The following NOX4 variants were observed in gnomAD, a reference collection of about 807,000 sequenced individuals.
NOX4 encodes kidney oxidase-1.
A neutral mutation model predicts 87.6 loss-of-function variants in NOX4; 69 were observed. The ratio of observed to expected loss-of-function variants is 0.79; its 90% CI spans 0.65 to 0.96. The LOEUF (loss-of-function observed/expected upper bound fraction) is 0.96. Among genes scored for constraint, NOX4 ranks in the 40% least tolerant of loss-of-function variants. The probability of loss-of-function intolerance (pLI) is 0.00; values close to 1 mark genes in which losing one functional copy is unlikely to be tolerated. For missense variants in NOX4, 680 were observed against 681.5 expected, an observed-to-expected ratio of 1.00 and a Z score of 0.02; for synonymous variants, 275 against 238.2, an observed-to-expected ratio of 1.15 and a Z score of -1.42.
At chr11:89,566,273 G>C in the NOX4 span, among the ~76,000 whole-genome samples, 1 of 151,940 alleles carries the variant, frequency 6.6e-6, no homozygotes, top group African/African-American at 2.4e-5. Context: ...TTGATCTCCT[G>C]ACCTTGTGCT....
intron 15 of NOX4, 52 bp downstream of exon 15, chr11:89,340,011 A>G (rs1037553158): frequency 1.1e-6 from 1 of 895,294 alleles, no homozygotes; most frequent in Non-Finnish European, 1.7e-6. Flanking sequence ...TATAAAAGCT[A>G]TAACATTTTT....
At chr11:89,507,483 T>C in the NOX4 span, among the ~76,000 whole-genome samples, 18 of 151,564 alleles carry the variant, frequency 1.2e-4, no homozygotes, top group South Asian at 2.1e-4. Flanking sequence ...TATAACAATG[T>C]AATACACATA....
chr11:89,341,745 A>T (rs563177843), intron 14 of NOX4, among the ~76,000 whole-genome samples: 1 of 152,270 alleles, frequency 6.6e-6, no homozygotes, highest in South Asian at 2.1e-4. Flanking sequence ...GGTGTTCAAA[A>T]ATATTTGTTG....
chr11:89,366,016 T>A (rs560127786), intron 12 of NOX4, among the ~76,000 whole-genome samples: 37 of 152,174 alleles, frequency 2.4e-4, no homozygotes, highest in African/African-American at 8.4e-4. Flanking sequence ...TTAAAAATGT[T>A]CCTGATAATA....
At chr11:89,421,770 T>G (rs1808806958) in intron 8 of NOX4, 132 bp downstream of exon 8, 8 of 543,848 alleles carry the variant, frequency 1.5e-5, no homozygotes, top group Non-Finnish European at 9.9e-6. Context: ...GACGTTATCC[T>G]CAATAGTAGA....
chr11:89,479,209 C>T (rs1428552759), intron 2 of NOX4, among the ~76,000 whole-genome samples: 2 of 151,740 alleles, frequency 1.3e-5, no homozygotes, highest in African/African-American at 4.8e-5. Context: ...GTATAAGATG[C>T]TAAAGGAAAA....
upstream of NOX4, chr11:89,491,556 T>C: frequency 2.6e-6 from 1 of 387,766 alleles, no homozygotes; most frequent in Non-Finnish European, 4.6e-6. Flanking sequence ...CGCCGGCCCC[T>C]TTGTCTAGGG....
chr11:89,419,021 T>C (rs1222879014), intron 8 of NOX4, among the ~76,000 whole-genome samples: 4 of 152,118 alleles, frequency 2.6e-5, no homozygotes, highest in Admixed American at 6.6e-5. Flanking sequence ...CTAGCATTCA[T>C]GTAAATAACA....
In NOX4 at chr11:89,400,361, C is replaced by T; in HGVS notation, c.865G>A (p.Gly289Arg). ...NFPQTWLWIS[G>R]PLCLYCAERL... ...TCGGCACAGTACAGGCACAAAGGTC[C>T]AGAAATCCAAAGCCAAGTCTAAGAC... is the stretch of plus-strand genomic sequence containing the variant. The change falls in exon 10 of 18, where the codon GGA (glycine) becomes AGA (arginine). Residue 289 changes from glycine (G) to arginine (R), a missense_variant. By Grantham distance (125) the Gly-to-Arg change is moderately radical (BLOSUM62 -2). Coordinates refer to ENST00000263317, the MANE Select transcript of NOX4 (RefSeq NM_016931.5). 1 of 1,578,032 alleles carries T rather than the reference C, an allele frequency of 6.3e-7. No individual in the cohort carries two copies. The highest frequency in any genetic ancestry group is 1.7e-4 in the Middle Eastern group (1 of 5,900).
chr11:89,448,819 G>T (rs1400847716), intron 4 of NOX4, among the ~76,000 whole-genome samples: 2 of 152,066 alleles, frequency 1.3e-5, no homozygotes, highest in Non-Finnish European at 2.9e-5. Context: ...GGAAGTAGAG[G>T]TTGCAGTTAG....
At chr11:89,489,424 G>T (rs1398199692) in intron 2 of NOX4, among the ~76,000 whole-genome samples, 3 of 152,014 alleles carry the variant, frequency 2.0e-5, no homozygotes, top group Admixed American at 2.0e-4. Flanking sequence ...CTTTTTGCTT[G>T]TTGCTTAGAA....
At chr11:89,482,938 T>G (rs575653440) in intron 2 of NOX4, among the ~76,000 whole-genome samples, 1 of 152,082 alleles carries the variant, frequency 6.6e-6, no homozygotes, top group Non-Finnish European at 1.5e-5. Flanking sequence ...ATTGAGAGCA[T>G]GGTGTTCAGT....
intron 11 of NOX4, among the ~76,000 whole-genome samples, chr11:89,376,385 T>C (rs542737774): frequency 6.6e-6 from 1 of 152,328 alleles, no homozygotes; most frequent in Admixed American, 6.5e-5. Flanking sequence ...TTCACTAATA[T>C]TGCCTAGATC....
At chr11:89,512,562 A>G in the NOX4 span, among the ~76,000 whole-genome samples, 5 of 152,220 alleles carry the variant, frequency 3.3e-5, no homozygotes, top group South Asian at 1.0e-3. Flanking sequence ...ACTAAGCATA[A>G]CATACTCTAG....
At chr11:89,531,462 GGTAGTCACTTAGTTTCACTAA>G in the NOX4 span, among the ~76,000 whole-genome samples, 11 of 152,102 alleles carry the variant, frequency 7.2e-5, no homozygotes, top group Non-Finnish European at 1.5e-4. Flanking sequence ...GAGTGAACTT[GGTAGTCACTTAGTTTCACTAA>G]GTGACATTGA....
At chr11:89,360,282 A>C (rs1225501040) in intron 12 of NOX4, among the ~76,000 whole-genome samples, 1 of 152,112 alleles carries the variant, frequency 6.6e-6, no homozygotes, top group East Asian at 1.9e-4. Context: ...TACAGTCTGC[A>C]GTATTTAGCA....
rs140514888 is a variant in NOX4, at chr11:89,475,114, T to C, written c.153+15344A>G. On this transcript the variant is annotated intron_variant, in intron 2 of 17. Transcript: ENST00000263317. The stretch of plus-strand genomic sequence containing the variant: ...GATAACAGAGATAAATCTAATGTGA[T>C]ATTTATGCTACATTTTACAGTAGGA... 1.1e-4 allele frequency among the ~76,000 whole-genome samples: 17 copies of C among 152,132 alleles called. No individual in the cohort carries two copies. The East Asian group carries it at 2.3e-3, about 21-fold the overall frequency.
chr11:89,371,476 T>A (rs949003943), intron 12 of NOX4, among the ~76,000 whole-genome samples: 1 of 151,924 alleles, frequency 6.6e-6, no homozygotes, highest in Non-Finnish European at 1.5e-5. Flanking sequence ...AAAAATAACT[T>A]TGTGAAAAAA....
chr11:89,374,774 A>C (rs1452499895), intron 11 of NOX4, among the ~76,000 whole-genome samples: 7 of 152,168 alleles, frequency 4.6e-5, no homozygotes. Context: ...GTATGCCACA[A>C]TATGAATTAA....
Sources: gnomAD v4.1 joint callset for allele counts (sites outside exome capture counted in the v4.1 genomes callset) on GRCh38, gnomAD v4.1.1 for gene constraint, MANE v1.5 for transcripts, NCBI Gene and HGNC (gene_info 2026-07-23, HGNC 2026-07-21) for gene names.